Variants in AFG1L observed in about 807,000 individuals in gnomAD.
The protein encoded by AFG1L is AFG1 like ATPase, also known as AFG1-like ATPase.
A neutral mutation model predicts 62.2 loss-of-function variants in AFG1L; 53 were observed. That is an observed-to-expected ratio of 0.85 (90% CI 0.68 to 1.07). The LOEUF (loss-of-function observed/expected upper bound fraction) is 1.07. AFG1L is among the 50% of genes least tolerant of loss of function. The probability of loss-of-function intolerance (pLI) is 0.00; values close to 1 mark genes in which losing one functional copy is unlikely to be tolerated. For synonymous variants in AFG1L, 228 were observed against 210.3 expected (o/e 1.08, Z -0.73); for missense variants, 555 against 590.5 (o/e 0.94, Z 0.62).
intron 7 of AFG1L, among the ~76,000 whole-genome samples, chr6:108,436,255 C>T (rs1225907756): frequency 6.6e-6 from 1 of 152,004 alleles, no homozygotes; most frequent in African/African-American, 2.4e-5. Flanking sequence ...AGTGATTTTC[C>T]TGTCTCAGCC....
intron 11 of AFG1L, among the ~76,000 whole-genome samples, chr6:108,517,047 G>T (rs1774923871): frequency 6.6e-6 from 1 of 152,146 alleles, no homozygotes; most frequent in African/African-American, 2.4e-5. Context: ...TGGGTAGGAA[G>T]AATCAATATC....
chr6:108,476,151 C>T (rs995135707), intron 8 of AFG1L, among the ~76,000 whole-genome samples: 18 of 152,072 alleles, frequency 1.2e-4, no homozygotes, highest in African/African-American at 4.1e-4. Context: ...GCCATAGCAT[C>T]ATCTCATTTA....
At chr6:108,424,700 A>G (rs1305139920) in intron 7 of AFG1L, among the ~76,000 whole-genome samples, 1 of 152,106 alleles carries the variant, frequency 6.6e-6, no homozygotes, top group Non-Finnish European at 1.5e-5. Flanking sequence ...AATACTAGCA[A>G]TTATGTAAAT....
chr6:108,492,717 T>C (rs1433373491), intron 10 of AFG1L, among the ~76,000 whole-genome samples: 1 of 145,102 alleles, frequency 6.9e-6, no homozygotes, highest in Non-Finnish European at 1.5e-5. Flanking sequence ...GGGCTATTTT[T>C]CTTCCCCTTG....
Position 108,523,855 on chromosome 6 carries a change from T to C in AFG1L, c.*1430T>C, listed in dbSNP as rs1221542570. On this transcript the variant is annotated 3_prime_UTR_variant, in exon 13 of 13. Transcript: ENST00000368977. ...ATAAAATGTGGTTTAAAGATATTTTTATTGAAGTGAAACACAGTAATTTCA... is the reference window on the plus strand; with the variant it reads ...ATAAAATGTGGTTTAAAGATATTTTCATTGAAGTGAAACACAGTAATTTCA... 1 of 152,160 alleles carries C rather than the reference T, an allele frequency of 6.6e-6. No individual in the cohort carries two copies. The allele number at this position is 152,160 out of a possible 1,614,324, so 9.4% of individuals were successfully genotyped here. A position where few individuals can be genotyped will look rare whatever the true frequency, so the allele number is the denominator to read the frequency against.
chr6:108,312,751 AAT>A, intron 1 of AFG1L, among the ~76,000 whole-genome samples: 1 of 152,116 alleles, frequency 6.6e-6, no homozygotes, highest in East Asian at 1.9e-4. Context: ...CTGTGTCAAC[AAT>A]GTTTCCCCTT....
intron 5 of AFG1L, among the ~76,000 whole-genome samples, chr6:108,357,451 T>C (rs1462358848): frequency 6.6e-6 from 1 of 152,200 alleles, no homozygotes; most frequent in Non-Finnish European, 1.5e-5. Flanking sequence ...AAAGAGACCC[T>C]ATATGGCTTG....
At chr6:108,355,003 T>C (rs1281003009) in intron 3 of AFG1L, among the ~76,000 whole-genome samples, 1 of 152,206 alleles carries the variant, frequency 6.6e-6, no homozygotes, top group Non-Finnish European at 1.5e-5. Context: ...TTTTTAAAAA[T>C]AGAAGTGTTA....
chr6:108,372,516 G>A (rs1367992082), intron 6 of AFG1L, among the ~76,000 whole-genome samples: 1 of 151,986 alleles, frequency 6.6e-6, no homozygotes, highest in Non-Finnish European at 1.5e-5. Flanking sequence ...TTTTAGTAGA[G>A]ATGGGGTTTC....
intron 6 of AFG1L, among the ~76,000 whole-genome samples, chr6:108,373,292 T>C (rs1275537847): frequency 6.6e-6 from 1 of 152,176 alleles, no homozygotes. Context: ...ATGTGGTATA[T>C]GGTTTTTTTG....
In AFG1L at chr6:108,403,702, A is replaced by G. The variant is rs188584189; in HGVS notation, c.807+1648A>G. Among the ~76,000 whole-genome samples the G allele has an allele frequency of 3.9e-3, 592 of 152,254 alleles. 6 individuals carry two copies. Among genetic ancestry groups the G allele is most frequent in the African/African-American group, 0.014 (568 of 41,570 alleles). On this transcript the variant is annotated intron_variant, in intron 7 of 12. Coordinates refer to ENST00000368977, the MANE Select transcript of AFG1L (RefSeq NM_145315.5). ...TAGGTGCTAAAAATAGTGTCTTCAT[A>G]TAGCATAAAATACACAAAATATAAA...
chr6:108,501,534 C>T (rs1468200071), intron 10 of AFG1L, among the ~76,000 whole-genome samples: 2 of 152,178 alleles, frequency 1.3e-5, no homozygotes, highest in Non-Finnish European at 2.9e-5. Flanking sequence ...ATATTACTGT[C>T]CAATGCAGGC....
intron 10 of AFG1L, among the ~76,000 whole-genome samples, chr6:108,480,249 A>G (rs1003243231): frequency 6.6e-6 from 1 of 152,232 alleles, no homozygotes; most frequent in Non-Finnish European, 1.5e-5. Context: ...TAATAATAAT[A>G]ATGAATATAG....
intron 1 of AFG1L, among the ~76,000 whole-genome samples, chr6:108,300,122 A>G (rs1396941643): frequency 6.6e-6 from 1 of 151,276 alleles, no homozygotes; most frequent in Non-Finnish European, 1.5e-5. Flanking sequence ...TCTCTTTAGT[A>G]TACATACATA....
intron 1 of AFG1L, among the ~76,000 whole-genome samples, chr6:108,302,933 CAA>C (rs758886308): frequency 6.9e-6 from 1 of 144,270 alleles, no homozygotes; most frequent in Non-Finnish European, 1.5e-5. Context: ...GTCAATAGCT[CAA>C]AAAAAAAAAA....
chr6:108,364,152 AG>A (rs1562110038), intron 5 of AFG1L, among the ~76,000 whole-genome samples: 1 of 152,170 alleles, frequency 6.6e-6, no homozygotes, highest in Non-Finnish European at 1.5e-5. Flanking sequence ...GTACTGAAAA[AG>A]CCAGCTCTCC....
At chr6:108,482,861 T>G (rs1773380945) in intron 10 of AFG1L, among the ~76,000 whole-genome samples, 1 of 152,208 alleles carries the variant, frequency 6.6e-6, no homozygotes, top group African/African-American at 2.4e-5. Flanking sequence ...GATGCTAACC[T>G]TCATCATACT....
chr6:108,525,114 C>T lies in AFG1L; in HGVS notation c.*2689C>T. The T allele has an allele frequency of 6.6e-6, 1 of 152,200 alleles. No homozygotes were observed. The highest frequency in any genetic ancestry group is 1.9e-4 in the East Asian group (1 of 5,202). The allele number at this position is 152,200 out of a possible 1,614,324, so 9.4% of individuals were successfully genotyped here. A position where few individuals can be genotyped will look rare whatever the true frequency, so the allele number is the denominator to read the frequency against. On this transcript the variant is annotated 3_prime_UTR_variant, in exon 13 of 13. Transcript: ENST00000368977. ...GAAAGCTCCTGCTCAATTCAAAACA[C>T]AGACCGGGGGGATGTCTTTAGAGTC...
chr6:108,500,222 A>G (rs1774141047), intron 10 of AFG1L, among the ~76,000 whole-genome samples: 1 of 149,514 alleles, frequency 6.7e-6, no homozygotes, highest in Non-Finnish European at 1.5e-5. Context: ...ACATATACGT[A>G]TACCTGATCT....
Sources: gnomAD v4.1 joint callset for allele counts (sites outside exome capture counted in the v4.1 genomes callset) on GRCh38, gnomAD v4.1.1 for gene constraint, MANE v1.5 for transcripts, NCBI Gene and HGNC (gene_info 2026-07-23, HGNC 2026-07-21) for gene names.